Variants in C10orf90 observed in about 807,000 individuals in gnomAD.
The protein encoded by C10orf90 is (E2-independent) E3 ubiquitin-conjugating enzyme FATS.
C10orf90 carries 56 observed loss-of-function variants against 62.5 expected under a neutral mutation model. The observed-to-expected ratio is 0.90, with a 90% CI of 0.72 to 1.12. The LOEUF is 1.12. Ranked by LOEUF, C10orf90 falls within the 50% of genes most tolerant of loss-of-function variation. The probability of loss-of-function intolerance (pLI) is 0.00; values close to 1 mark genes in which losing one functional copy is unlikely to be tolerated. For missense variants in C10orf90, 970 were observed against 880.4 expected (o/e 1.10, Z -1.29); for synonymous variants, 386 against 340.4 (o/e 1.13, Z -1.47).
chr10:126,584,830 TG>T (rs1180406834), intron 2 of C10orf90, among the ~76,000 whole-genome samples: 1 of 152,128 alleles, frequency 6.6e-6, no homozygotes, highest in African/African-American at 2.4e-5. Flanking sequence ...GATCCCTGAG[TG>T]ACACTATATG....
chr10:126,560,946 G>A (rs972608245), intron 2 of C10orf90, among the ~76,000 whole-genome samples: 2 of 152,220 alleles, frequency 1.3e-5, no homozygotes, highest in African/African-American at 4.8e-5. Context: ...TACAGAATCA[G>A]GGAACCTGAT....
chr10:126,536,058 C>G (rs1195193432), intron 2 of C10orf90, among the ~76,000 whole-genome samples: 1 of 152,182 alleles, frequency 6.6e-6, no homozygotes, highest in African/African-American at 2.4e-5. Context: ...AGACAGTACA[C>G]GCCCACCATC....
In C10orf90 at chr10:126,504,673, G is replaced by A. The variant is rs767474090; in HGVS notation, c.818C>T (p.Ala273Val). The change falls in exon 4 of 10, where the codon GCG (alanine) becomes GTG (valine). Residue 273 changes from alanine (A) to valine (V), a missense_variant. Coordinates refer to ENST00000488181, the MANE Select transcript of C10orf90 (RefSeq NM_001350921.2). The surrounding 1 kb of genome is among the most constrained non-coding windows in gnomAD (Gnocchi z 4.1). Reference sequence around the variant, plus strand: ...GGCGCCATTGGCCAGAGCCGGGGGCGCCTGGAACAGTGTGTCCTCAGCCCT... The same window carrying A: ...GGCGCCATTGGCCAGAGCCGGGGGCACCTGGAACAGTGTGTCCTCAGCCCT... ...KCRAEDTLFQ[A>V]PPALANGAHP... The A allele has an allele frequency of 6.2e-7, 1 of 1,614,042 alleles. No individual in the cohort carries two copies. The highest frequency in any genetic ancestry group is 8.5e-7 in the Non-Finnish European group (1 of 1,179,988).
At chr10:126,564,972 AATATATAAAATATAAAATATATATT>A (rs1844290860) in intron 2 of C10orf90, among the ~76,000 whole-genome samples, 8 of 4,400 alleles carry the variant, frequency 1.8e-3, no homozygotes, top group Non-Finnish European at 4.2e-3. Context: ...AAATATATAT[AATATATAAAATATAAAATATATATT>A]ATATATAATA....
At chr10:126,615,537 A>T (rs1422414889) in intron 2 of C10orf90, among the ~76,000 whole-genome samples, 1 of 152,228 alleles carries the variant, frequency 6.6e-6, no homozygotes, top group Non-Finnish European at 1.5e-5. Context: ...ATCTTAACAC[A>T]ATGATCACAT....
chr10:126,510,626 C>G (rs1371679692), intron 3 of C10orf90, among the ~76,000 whole-genome samples: 1 of 152,158 alleles, frequency 6.6e-6, no homozygotes, highest in Non-Finnish European at 1.5e-5. Flanking sequence ...GTGAACCATC[C>G]ATTTCCTGAC....
chr10:126,535,384 G>A (rs1468734812), intron 2 of C10orf90, among the ~76,000 whole-genome samples: 1 of 151,954 alleles, frequency 6.6e-6, no homozygotes, highest in Non-Finnish European at 1.5e-5. Context: ...GGGTGTGGTG[G>A]CGGGTGCCTG....
rs1438772732 is a variant in C10orf90, at chr10:126,573,859, T to C, written c.314-59920A>G. ...TTTTTTTTTAACCCTGCATAAACAG[T>C]GGCTACTATTTTGTTCAAATTCTAC... On this transcript the variant is annotated intron_variant, in intron 2 of 9. Coordinates refer to ENST00000488181, the MANE Select transcript of C10orf90 (RefSeq NM_001350921.2). Among the ~76,000 whole-genome samples, 5 of 152,236 alleles carry C rather than the reference T, an allele frequency of 3.3e-5. No homozygotes were observed. In the East Asian group the frequency reaches 9.7e-4, roughly 29 times the overall value.
intron 3 of C10orf90, among the ~76,000 whole-genome samples, chr10:126,510,998 C>T (rs536651310): frequency 6.5e-4 from 99 of 152,312 alleles, no homozygotes; most frequent in Non-Finnish European, 1.0e-3. Flanking sequence ...CTGCAGCCTA[C>T]GATGTACTTG....
chr10:126,493,775 G>C (rs1403548874), intron 4 of C10orf90, among the ~76,000 whole-genome samples: 5 of 152,212 alleles, frequency 3.3e-5, no homozygotes, highest in Non-Finnish European at 7.3e-5. Context: ...GCTAGACCTG[G>C]AAAGAAACCA....
At chr10:126,609,889 A>G (rs973225072) in intron 2 of C10orf90, among the ~76,000 whole-genome samples, 7 of 152,118 alleles carry the variant, frequency 4.6e-5, no homozygotes, top group Admixed American at 3.9e-4. Flanking sequence ...GTGTAATGAG[A>G]TCAGGAGGAT....
intron 1 of C10orf90, among the ~76,000 whole-genome samples, chr10:126,651,528 T>C (rs1456815696): frequency 1.3e-5 from 2 of 152,172 alleles, no homozygotes; most frequent in African/African-American, 2.4e-5. Flanking sequence ...AGATGGAGGA[T>C]TGTCAATCAG....
At chr10:126,431,402 A>T (rs1184869705) in intron 7 of C10orf90, among the ~76,000 whole-genome samples, 1 of 152,176 alleles carries the variant, frequency 6.6e-6, no homozygotes, top group Admixed American at 6.5e-5. Flanking sequence ...CAACATCACC[A>T]TGGAGACTGC....
intron 7 of C10orf90, among the ~76,000 whole-genome samples, chr10:126,442,971 G>T (rs1858497526): frequency 6.6e-6 from 1 of 151,860 alleles, no homozygotes; most frequent in South Asian, 2.1e-4. Context: ...AATTACAATA[G>T]TGACATAACC....
chr10:126,461,377 G>T, intron 6 of C10orf90, 24 bp downstream of exon 6: 1 of 1,610,226 alleles, frequency 6.2e-7, no homozygotes, highest in Non-Finnish European at 8.5e-7. Context: ...CAGGAATCAA[G>T]CCAGGACACA....
At chr10:126,586,786 C>T (rs978608032) in intron 2 of C10orf90, among the ~76,000 whole-genome samples, 3 of 152,096 alleles carry the variant, frequency 2.0e-5, no homozygotes, top group Admixed American at 6.6e-5. Flanking sequence ...GGCTCTTCAA[C>T]CTCAAAATAT....
chr10:126,647,578 G>C (rs542543714), intron 1 of C10orf90, among the ~76,000 whole-genome samples: 21 of 152,316 alleles, frequency 1.4e-4, no homozygotes, highest in African/African-American at 5.1e-4. Flanking sequence ...TAGTGGAAGA[G>C]ACAGAATGGG....
chr10:126,488,647 A>G (rs1402232933), intron 4 of C10orf90, among the ~76,000 whole-genome samples: 1 of 152,130 alleles, frequency 6.6e-6, no homozygotes, highest in African/African-American at 2.4e-5. Context: ...AGACAAAACT[A>G]TCATTATCAG....
chr10:126,642,394 T>A (rs570401770), intron 2 of C10orf90, among the ~76,000 whole-genome samples: 2 of 151,982 alleles, frequency 1.3e-5, no homozygotes, highest in South Asian at 2.1e-4. Flanking sequence ...TAGCCGGGCG[T>A]GGTGGCGGGC....
Sources: allele counts gnomAD v4.1 joint callset (sites outside exome capture counted in the v4.1 genomes callset), GRCh38; gene constraint gnomAD v4.1.1; non-coding constraint Gnocchi (gnomAD v3.1); transcripts MANE v1.5; gene names NCBI Gene and HGNC (gene_info 2026-07-23, HGNC 2026-07-21).